The following GOLIM4 variants were observed in gnomAD, a reference collection of about 807,000 sequenced individuals.
The protein encoded by GOLIM4 is golgi integral membrane protein 4.
GOLIM4 carries 71 observed loss-of-function variants against 107.4 expected under a neutral mutation model. That is an observed-to-expected ratio of 0.66 (90% CI 0.55 to 0.81). GOLIM4 has a LOEUF of 0.81. Ranked by LOEUF, GOLIM4 falls within the 30% of genes least tolerant of loss-of-function variation. The pLI is 0.00. For synonymous variants in GOLIM4, 327 were observed against 294.8 expected (o/e 1.11, Z -1.12); for missense variants, 830 against 826.1 (o/e 1.00, Z -0.06).
chr3:168,056,253 T>C (rs545360980), intron 1 of GOLIM4, among the ~76,000 whole-genome samples: 5 of 152,358 alleles, frequency 3.3e-5, no homozygotes, highest in African/African-American at 1.2e-4. Context: ...GTGCTGAGCC[T>C]GTGGGTGCAC....
chr3:168,022,144 A>C (rs1717729433), intron 14 of GOLIM4, among the ~76,000 whole-genome samples: 1 of 152,148 alleles, frequency 6.6e-6, no homozygotes, highest in South Asian at 2.1e-4. Flanking sequence ...TTAGAGGCCA[A>C]GTCTGTAAGT....
At chr3:168,039,900 C>A (rs1056604800) in intron 7 of GOLIM4, among the ~76,000 whole-genome samples, 2 of 152,188 alleles carry the variant, frequency 1.3e-5, no homozygotes, top group African/African-American at 4.8e-5. Flanking sequence ...TAATCAATGA[C>A]TGTTTAGAAA....
Position 168,033,698 on chromosome 3 carries a change from A to T in GOLIM4, c.844-846T>A, listed in dbSNP as rs187541177. 2.6e-5 allele frequency among the ~76,000 whole-genome samples: 4 copies of T among 151,892 alleles called. No individual in the cohort carries two copies. The East Asian group carries it at 7.7e-4, about 29-fold the overall frequency. On this transcript the variant is annotated intron_variant, in intron 8 of 15. Coordinates refer to ENST00000470487, the MANE Select transcript of GOLIM4 (RefSeq NM_014498.5). ...TTCAACACAGTGCCTGTTAAACAAG[A>T]TACAATAAAATATTTTTAATGTATT...
At chr3:168,064,330 G>C (rs1388107432) in intron 1 of GOLIM4, among the ~76,000 whole-genome samples, 5 of 152,176 alleles carry the variant, frequency 3.3e-5, no homozygotes, top group African/African-American at 1.2e-4. Flanking sequence ...GTTACCTGCT[G>C]AATGTTTGTT....
Position 168,024,704 on chromosome 3 carries a change from G to A in GOLIM4, c.1792-110C>T, listed in dbSNP as rs1175032304. 9 of 942,846 alleles carry A rather than the reference G, an allele frequency of 9.5e-6. No individual in the cohort carries two copies. The Admixed American group carries it at 1.7e-4, about 18-fold the overall frequency. 58.4% of individuals were successfully genotyped at this position (942,846 alleles called of 1,614,324 possible). A position where few individuals can be genotyped will look rare whatever the true frequency, so the allele number is the denominator to read the frequency against. On this transcript the variant is annotated intron_variant, in intron 13 of 15. Coordinates refer to ENST00000470487, the MANE Select transcript of GOLIM4 (RefSeq NM_014498.5). ...CCACCATGAAAAGGGCACTTTCAAA[G>A]CGTCTGTGGCCAGGAAATGATGAGT...
In GOLIM4 at chr3:168,026,618, TC is replaced by T. The variant is rs538995364; in HGVS notation, c.1623+1109del. On this transcript the variant is annotated intron_variant, in intron 12 of 15. Coordinates refer to ENST00000470487, the MANE Select transcript of GOLIM4 (RefSeq NM_014498.5). ...CCCAAACAAGTGACTGAAATGCCCT[TC>T]CTCCCACCCCATGCACATTTGCAGG... Among the ~76,000 whole-genome samples the T allele has an allele frequency of 4.2e-3, 647 of 152,276 alleles. 2 individuals carry two copies. The highest frequency in any genetic ancestry group is 5.9e-3 in the Non-Finnish European group (399 of 68,022).
At chr3:168,061,958 T>C (rs1178784122) in intron 1 of GOLIM4, among the ~76,000 whole-genome samples, 4 of 152,218 alleles carry the variant, frequency 2.6e-5, no homozygotes, top group African/African-American at 7.2e-5. Context: ...TTATGATTCG[T>C]GTACTTTTGT....
Position 168,056,418 on chromosome 3 carries a change from CCAAA to C in GOLIM4, c.188-8057_188-8054del, listed in dbSNP as rs546817048. ...GAAGAGAAATGTGGAGTTGGAGCTC[CCAAA>C]CAGAGTCCCTACTGGGGAGAAGGGG... is the stretch of plus-strand genomic sequence containing the variant. On this transcript the variant is annotated intron_variant, in intron 1 of 15. Transcript: ENST00000470487. Among the ~76,000 whole-genome samples, 11 of 152,182 alleles carry C rather than the reference CCAAA, an allele frequency of 7.2e-5. No homozygotes were observed. The South Asian group carries it at 1.0e-3, about 14-fold the overall frequency.
intron 7 of GOLIM4, among the ~76,000 whole-genome samples, chr3:168,038,344 G>A (rs910750606): frequency 1.3e-4 from 20 of 152,320 alleles, no homozygotes; most frequent in Middle Eastern, 3.4e-3. Flanking sequence ...TTTGAAGGCA[G>A]TAATTGTGTG....
chr3:168,012,673 A>G (rs1390535680), intron 14 of GOLIM4, among the ~76,000 whole-genome samples: 2 of 151,466 alleles, frequency 1.3e-5, no homozygotes, highest in Admixed American at 6.6e-5. Flanking sequence ...GAAGCCCATC[A>G]GACTAACAGC....
intron 7 of GOLIM4, 26 bp from the exon 8 acceptor site, chr3:168,037,020 G>C: frequency 6.3e-7 from 1 of 1,581,342 alleles, no homozygotes. Context: ...ACAATTTGAG[G>C]AGGGAATCTA....
Position 168,010,206 on chromosome 3 carries a change from A to T in GOLIM4, c.*63T>A. ...AAATATCCTAGAGTTCAGTAGGCAG[A>T]TTTATGTTTGAGCAGCTTGAAAAGA... On this transcript the variant is annotated 3_prime_UTR_variant, in exon 16 of 16. Transcript: ENST00000470487. 2 of 1,471,972 alleles carry T rather than the reference A, an allele frequency of 1.4e-6. No homozygotes were observed. Among genetic ancestry groups the T allele is most frequent in the Non-Finnish European group, 1.8e-6 (2 of 1,082,816 alleles). The allele number at this position is 1,471,972 out of a possible 1,614,324, so 91.2% of individuals were successfully genotyped here.
rs1277055153 is a variant in GOLIM4 at position 168,046,898 on chromosome 3, T to C, written c.312+52A>G. ...GTATTTCTCTCTCTTTCAAGTTTTA[T>C]GAAAACAAATTAAGGAAAACAAACA... On this transcript the variant is annotated intron_variant, in intron 3 of 15. Transcript: ENST00000470487. 1.2e-5 allele frequency: 12 copies of C among 987,688 alleles called. No homozygotes were observed. The East Asian group carries it at 3.3e-4, about 28-fold the overall frequency. The allele number at this position is 987,688 out of a possible 1,614,324, so 61.2% of individuals were successfully genotyped here.
chr3:168,057,604 C>G (rs966544785), intron 1 of GOLIM4, among the ~76,000 whole-genome samples: 1 of 152,136 alleles, frequency 6.6e-6, no homozygotes, highest in African/African-American at 2.4e-5. Context: ...ATCCACTCAC[C>G]TCCCACCAGG....
chr3:168,032,607 T>C lies in GOLIM4; in HGVS notation c.1089A>G (p.Pro363=), dbSNP rs758321178. The change falls in exon 9 of 16, where the codon CCA becomes CCG. Residue 363 remains proline, a synonymous_variant. Coordinates refer to ENST00000470487, the MANE Select transcript of GOLIM4 (RefSeq NM_014498.5). The stretch of plus-strand genomic sequence containing the variant: ...ACTCCCGATCCTGCTCCTCTGGTGA[T>C]GGATCGTGTTCCTCCTCAAGATGTT... ...QAEHLEEEHD[P]SPEEQDREWK... The C allele has an allele frequency of 9.9e-6, 16 of 1,614,050 alleles. No homozygotes were observed. The highest frequency in any genetic ancestry group is 2.2e-5 in the South Asian group (2 of 91,056).
intron 14 of GOLIM4, 113 bp from the exon 15 acceptor site, chr3:168,010,936 A>T: frequency 1.3e-6 from 1 of 788,680 alleles, no homozygotes; most frequent in Non-Finnish European, 2.1e-6. Flanking sequence ...TTGATTTCCA[A>T]AAAGTTCACT....
intron 1 of GOLIM4, among the ~76,000 whole-genome samples, chr3:168,051,627 T>G (rs1462981018): frequency 6.6e-6 from 1 of 152,156 alleles, no homozygotes; most frequent in Non-Finnish European, 1.5e-5. Flanking sequence ...AAAAAAGATG[T>G]GGCAAACAGG....
chr3:168,043,445 T>C lies in GOLIM4; in HGVS notation c.451A>G (p.Asn151Asp), dbSNP rs144070059. The change falls in exon 5 of 16, where the codon AAT becomes GAT. Residue 151 changes from asparagine to aspartate, a missense_variant. Transcript: ENST00000470487. ...TGCAAGTATTTTTGCTTATGGTCAT[T>C]AAATGTTCTACTGAAGTCTTCCCCT... ...KQGEDFSRTF[N>D]DHKQKYLQLQ... 516 of 1,613,048 alleles carry C rather than the reference T, an allele frequency of 3.2e-4. 1 individual carries two copies. Among genetic ancestry groups the C allele is most frequent in the Middle Eastern group, 1.2e-3 (7 of 6,058 alleles).
At position 168,009,857 on chromosome 3, in the gene GOLIM4, G is replaced by A. The variant is rs1716890812; in HGVS notation, c.*412C>T. 6.4e-6 allele frequency: 1 copy of A among 155,964 alleles called. No individual in the cohort carries two copies. Among genetic ancestry groups the A allele is most frequent in the Admixed American group, 6.5e-5 (1 of 15,496 alleles). The allele number at this position is 155,964 out of a possible 1,614,324, so 9.7% of individuals were successfully genotyped here. A position where few individuals can be genotyped will look rare whatever the true frequency, so the allele number is the denominator to read the frequency against. On this transcript the variant is annotated 3_prime_UTR_variant, in exon 16 of 16. Coordinates refer to ENST00000470487, the MANE Select transcript of GOLIM4 (RefSeq NM_014498.5). ...TAGTAAACAGGCCATTCTCTTTAAA[G>A]TCTGCATGGCATTTTGCAGTACTCT...
Sources: gnomAD v4.1 joint callset for allele counts (sites outside exome capture counted in the v4.1 genomes callset) on GRCh38, gnomAD v4.1.1 for gene constraint, MANE v1.5 for transcripts, NCBI Gene and HGNC (gene_info 2026-07-23, HGNC 2026-07-21) for gene names.